CDHR2: variants seen among roughly 807,000 people sequenced by gnomAD.
The protein encoded by CDHR2 is cadherin related family member 2, also known as cadherin-related family member 2.
A neutral mutation model predicts 138.6 loss-of-function variants in CDHR2; 104 were observed. The observed-to-expected ratio is 0.75, with a 90% CI of 0.64 to 0.88. The LOEUF (loss-of-function observed/expected upper bound fraction) is 0.88. Ranked by LOEUF, CDHR2 falls within the 40% of genes least tolerant of loss-of-function variation. The probability of loss-of-function intolerance (pLI) is 0.00; values close to 1 mark genes in which losing one functional copy is unlikely to be tolerated. For synonymous variants in CDHR2, 755 were observed against 742.8 expected (o/e 1.02, Z -0.27); for missense variants, 1,624 against 1,727.6 (o/e 0.94, Z 1.06).
intron 1 of CDHR2, among the ~76,000 whole-genome samples, chr5:176,552,174 C>T (rs1757721165): frequency 6.6e-6 from 1 of 152,230 alleles, no homozygotes; most frequent in African/African-American, 2.4e-5. Context: ...ACTCCATTCA[C>T]TCGGTTTCCA....
At position 176,589,958 on chromosome 5, in the gene CDHR2, C is replaced by T. The variant is rs1038847884; in HGVS notation, c.3207-120C>T. ...ACAGAGATGCTACCTACTCAGCCAA[C>T]AGAGCTGTCCAGAGGAGGTGCCCTT... is the stretch of plus-strand genomic sequence containing the variant. On this transcript the variant is annotated intron_variant, in intron 24 of 31. Coordinates refer to ENST00000261944, the MANE Select transcript of CDHR2 (RefSeq NM_017675.6). 4 of 800,088 alleles carry T rather than the reference C, an allele frequency of 5.0e-6. No individual in the cohort carries two copies. In the African/African-American group the frequency reaches 5.1e-5, roughly 10 times the overall value. The allele number at this position is 800,088 out of a possible 1,614,324, so 49.6% of individuals were successfully genotyped here.
Position 176,575,440 on chromosome 5 carries a change from C to T in CDHR2, c.768+14C>T, listed in dbSNP as rs752245779. The T allele has an allele frequency of 1.2e-5, 19 of 1,614,082 alleles. No homozygotes were observed. Among genetic ancestry groups the T allele is most frequent in the Admixed American group, 1.7e-5 (1 of 60,000 alleles). ...GATGCAGCCAAGGTGCACGGGGGAC[C>T]TGTGGGGTGTGGGTGGAGGCGGGAG... On this transcript the variant is annotated intron_variant, in intron 9 of 31. Transcript: ENST00000261944.
upstream of CDHR2, among the ~76,000 whole-genome samples, chr5:176,547,254 G>A (rs572313109): frequency 1.3e-5 from 2 of 152,164 alleles, no homozygotes; most frequent in African/African-American, 4.8e-5. Flanking sequence ...TGGGATTACA[G>A]GCGCGAGCCA....
intron 1 of CDHR2, among the ~76,000 whole-genome samples, chr5:176,557,009 TCTCTC>T (rs1201287781): frequency 2.9e-5 from 1 of 34,940 alleles, no homozygotes; most frequent in Non-Finnish European, 1.4e-4. Flanking sequence ...TTTCTCTCTC[TCTCTC>T]TCTTTTTTTT....
At position 176,590,941 on chromosome 5, in the gene CDHR2, T is replaced by A. The variant is rs117341097; in HGVS notation, c.3539+254T>A. ...CATGCATCTCACACCCAGCTAGACG[T>A]CTGGCACACACTATGCGTTTAATAG... On this transcript the variant is annotated intron_variant, in intron 28 of 31. Coordinates refer to ENST00000261944, the MANE Select transcript of CDHR2 (RefSeq NM_017675.6). Among the ~76,000 whole-genome samples the A allele has an allele frequency of 2.2e-4, 33 of 152,314 alleles. No homozygotes were observed. In the East Asian group the frequency reaches 5.8e-3, roughly 27 times the overall value.
At chr5:176,570,578 C>T (rs2113287881) in intron 5 of CDHR2, among the ~76,000 whole-genome samples, 1 of 152,364 alleles carries the variant, frequency 6.6e-6, no homozygotes, top group South Asian at 2.1e-4. Context: ...AACTCCTGGG[C>T]TCAAGCGATC....
chr5:176,577,970 G>T, intron 14 of CDHR2, 64 bp from the exon 15 acceptor site: 1 of 1,542,988 alleles, frequency 6.5e-7, no homozygotes, highest in Admixed American at 1.7e-5. Flanking sequence ...GTCCCCACGA[G>T]CTGCATGGGT....
In CDHR2 at chr5:176,595,732, G is replaced by A; in HGVS notation, c.*60G>A. On this transcript the variant is annotated 3_prime_UTR_variant, in exon 32 of 32. Transcript: ENST00000261944. ...GCCCTACCACACCCTAACTGCACCT[G>A]TCTCCCTGGAGATGAAAATATATGA... 1 of 1,412,294 alleles carries A rather than the reference G, an allele frequency of 7.1e-7. No homozygotes were observed. The allele number at this position is 1,412,294 out of a possible 1,614,324, so 87.5% of individuals were successfully genotyped here.
chr5:176,569,235 C>A (rs1758162230), intron 5 of CDHR2, among the ~76,000 whole-genome samples: 1 of 149,518 alleles, frequency 6.7e-6, no homozygotes, highest in African/African-American at 2.5e-5. Context: ...CATATGAGGG[C>A]TTTTTTGTTT....
rs34996600 is a variant in CDHR2, at chr5:176,551,701, C to CTTTTT, written c.-16+2301_-16+2305dup. ...GCCACCACACCTAGCCAAGAGTTCT[C>CTTTTT]TTTTTTTTTTTTTTTTTTGAGACAG... On this transcript the variant is annotated intron_variant, in intron 1 of 31. Transcript: ENST00000261944. Among the ~76,000 whole-genome samples the CTTTTT allele has an allele frequency of 1.2e-3, 138 of 114,238 alleles. 10 individuals carry two copies. The highest frequency in any genetic ancestry group is 4.3e-3 in the East Asian group (16 of 3,758). 74.9% of individuals were successfully genotyped at this position (114,238 alleles called of 152,430 possible). A position where few individuals can be genotyped will look rare whatever the true frequency, so the allele number is the denominator to read the frequency against.
In CDHR2 at chr5:176,577,809, T is replaced by A. The variant is rs1351779627; in HGVS notation, c.1512+11T>A. On this transcript the variant is annotated intron_variant, in intron 14 of 31. Transcript: ENST00000261944. The stretch of plus-strand genomic sequence containing the variant: ...ACCGACAGCATCCACGTGAGTGATG[T>A]GGACACAGTGGGGCTGTGGGGTCCC... The A allele has an allele frequency of 8.7e-6, 14 of 1,613,482 alleles. No homozygotes were observed. The highest frequency in any genetic ancestry group is 1.2e-5 in the Non-Finnish European group (14 of 1,179,708).
intron 1 of CDHR2, among the ~76,000 whole-genome samples, chr5:176,558,940 A>G (rs931847560): frequency 2.0e-5 from 3 of 152,136 alleles, no homozygotes; most frequent in African/African-American, 4.8e-5. Context: ...GAATTGCTCA[A>G]CTCTGTTCCA....
intron 1 of CDHR2, among the ~76,000 whole-genome samples, chr5:176,552,309 T>C (rs11742622): frequency 0.81 from 123,215 of 152,254 alleles, 53,897 homozygotes; most frequent in East Asian, 1. Flanking sequence ...AGGATTTGCA[T>C]GTAGGCAGAA....
At position 176,564,070 on chromosome 5, in the gene CDHR2, T is replaced by G. The variant is rs987353367; in HGVS notation, c.-15-1268T>G. Among the ~76,000 whole-genome samples the G allele has an allele frequency of 6.6e-5, 10 of 151,970 alleles. No individual in the cohort carries two copies. The South Asian group carries it at 2.1e-3, about 32-fold the overall frequency. On this transcript the variant is annotated intron_variant, in intron 1 of 31. Coordinates refer to ENST00000261944, the MANE Select transcript of CDHR2 (RefSeq NM_017675.6). The stretch of plus-strand genomic sequence containing the variant: ...CCTGTCTTACAGAAAGATTATAGAG[T>G]AGCACAGTGAACATAGAGCATACAG...
rs535234193 is a variant in CDHR2, at chr5:176,571,037, C to CAAAAAAAAAAA, written c.316-155_316-145dup. ...ACATATGGAGAGAACCTGGTCTCTACAAAAAAAAAAAAAAAAAAAAAAAAA... is the reference window on the plus strand; with the variant it reads ...ACATATGGAGAGAACCTGGTCTCTACAAAAAAAAAAAAAAAAAAAAAAAAAAAAAAAAAAAA... On this transcript the variant is annotated intron_variant, in intron 5 of 31. Coordinates refer to ENST00000261944, the MANE Select transcript of CDHR2 (RefSeq NM_017675.6). Among the ~76,000 whole-genome samples, 18 of 53,268 alleles carry CAAAAAAAAAAA rather than the reference C, an allele frequency of 3.4e-4. 1 individual carries two copies. The highest frequency in any genetic ancestry group is 4.6e-4 in the Non-Finnish European group (13 of 28,426). 34.9% of individuals were successfully genotyped at this position (53,268 alleles called of 152,430 possible).
intron 16 of CDHR2, among the ~76,000 whole-genome samples, chr5:176,580,147 C>T (rs2113307469): frequency 6.6e-6 from 1 of 151,146 alleles, no homozygotes; most frequent in South Asian, 2.1e-4. Context: ...CACACGCACT[C>T]ACACACACAC....
Position 176,589,607 on chromosome 5 carries a change from C to G in CDHR2, c.3197C>G (p.Ala1066Gly). The G allele has an allele frequency of 6.2e-7, 1 of 1,613,822 alleles. No homozygotes were observed. The highest frequency in any genetic ancestry group is 1.1e-5 in the South Asian group (1 of 91,072). Reference protein sequence around the residue: ...PKEEVGANRQAINAALTQATR... With the variant: ...PKEEVGANRQGINAALTQATR... ...GAGGAGGTGGGCGCCAACAGACAGG[C>G]GATTAATGCGTAGGTCTGGGGAGCC... Residue 1066 changes from alanine (A) to glycine (G), a missense_variant, in exon 24 of 32, where the codon GCG (alanine) becomes GGG (glycine). This residue lies in a region of CDHR2 where 556 missense variants were observed against 565.7 expected (regional missense o/e 0.98). Transcript: ENST00000261944.
chr5:176,548,181 C>T (rs1757625629), upstream of CDHR2, among the ~76,000 whole-genome samples: 1 of 152,202 alleles, frequency 6.6e-6, no homozygotes, highest in Admixed American at 6.5e-5. Context: ...ATATTATACT[C>T]TTATGGGACC....
intron 16 of CDHR2, among the ~76,000 whole-genome samples, chr5:176,579,178 C>T (rs527452070): frequency 1.1e-4 from 17 of 152,294 alleles, no homozygotes; most frequent in African/African-American, 2.6e-4. Context: ...CTGAGGAGTT[C>T]GGAAGCTTCG....
Sources: gnomAD v4.1 joint callset for allele counts (sites outside exome capture counted in the v4.1 genomes callset) on GRCh38, gnomAD v4.1.1 for gene constraint, gnomAD v4.1.1 regional missense constraint, MANE v1.5 for transcripts, NCBI Gene and HGNC (gene_info 2026-07-23, HGNC 2026-07-21) for gene names.